Variants in RPL5 observed in about 807,000 individuals in gnomAD.
RPL5 encodes the protein large ribosomal subunit protein uL18.
Under a neutral mutation model 38.4 loss-of-function variants are expected in RPL5, and 1 was observed. The ratio of observed to expected loss-of-function variants is 0.03; its 90% CI spans 0.01 to 0.12. The LOEUF (loss-of-function observed/expected upper bound fraction) is 0.12. Ranked by LOEUF, RPL5 falls within the 10% of genes least tolerant of loss-of-function variation. RPL5 has a pLI of 1.00. For missense variants in RPL5, 243 were observed against 374.1 expected (o/e 0.65, Z 2.89); for synonymous variants, 109 against 121.2 (o/e 0.90, Z 0.66).
At chr1:92,841,530 C>G (rs1687362712) in intron 7 of RPL5, among the ~76,000 whole-genome samples, 1 of 152,140 alleles carries the variant, frequency 6.6e-6, no homozygotes, top group African/African-American at 2.4e-5. Flanking sequence ...CTGAATCTAA[C>G]ATGTCTTCTA....
chr1:92,836,435 T>G (rs1417127673), intron 5 of RPL5, 43 bp downstream of exon 5: 1 of 1,563,018 alleles, frequency 6.4e-7, no homozygotes, highest in South Asian at 1.1e-5. Context: ...ACCGTGGTAC[T>G]TCCCTGTTTT....
chr1:92,833,154 T>C, intron 1 of RPL5: 1 of 660,874 alleles, frequency 1.5e-6, no homozygotes, highest in Non-Finnish European at 2.7e-6. Context: ...TTTCTTTTAT[T>C]CCATATTTCT....
intron 6 of RPL5, among the ~76,000 whole-genome samples, chr1:92,838,662 A>G (rs1302094930): frequency 6.6e-6 from 1 of 152,234 alleles, no homozygotes; most frequent in Admixed American, 6.5e-5. Flanking sequence ...TGTCTCCAAC[A>G]GGAGGTGGTC....
chr1:92,833,189 A>G (rs565031895), intron 1 of RPL5, 200 bp from the exon 2 acceptor site: 8 of 648,924 alleles, frequency 1.2e-5, no homozygotes, highest in African/African-American at 1.8e-5. Flanking sequence ...TTATTGTTTT[A>G]TGAAACTACT....
chr1:92,841,734 G>GT, intron 7 of RPL5, 32 bp from the exon 8 acceptor site: 1 of 1,437,784 alleles, frequency 7.0e-7, no homozygotes, highest in South Asian at 1.2e-5. Context: ...TTCAGTTATA[G>GT]TTTAAAAAAT....
intron 6 of RPL5, chr1:92,840,290 G>C: frequency 2.4e-6 from 1 of 418,964 alleles, no homozygotes; most frequent in Non-Finnish European, 4.4e-6. Context: ...GAGATTACAG[G>C]CATGAACCAC....
Position 92,833,474 on chromosome 1 carries a change from T to C in RPL5, c.73+16T>C, listed in dbSNP as rs1436058368. 6.2e-7 allele frequency: 1 copy of C among 1,613,720 alleles called. No homozygotes were observed. The highest frequency in any genetic ancestry group is 8.5e-7 in the Non-Finnish European group (1 of 1,179,642). On this transcript the variant is annotated intron_variant, in intron 2 of 7. Transcript: ENST00000370321. ...AGACGACGAGGTACTGTCACCTTTT[T>C]GTGTTTACAATATTAATCTGCTTTG...
At chr1:92,832,680 A>T (rs1686956207) in intron 1 of RPL5, 2 of 354,816 alleles carry the variant, frequency 5.6e-6, no homozygotes, top group East Asian at 1.0e-4. Context: ...AGCTCCTTTA[A>T]CATGGAATAC....
At position 92,833,429 on chromosome 1, in the gene RPL5, G is replaced by C; in HGVS notation, c.44G>C (p.Arg15Thr). The C allele has an allele frequency of 6.2e-7, 1 of 1,614,046 alleles. No homozygotes were observed. ...GTTAAGAATAAGGCCTACTTTAAGA[G>C]ATACCAAGTGAAATTTAGAAGACGA... ...KVVKNKAYFK[R>T]YQVKFRRRRE... is the part of the protein sequence containing the mutation. Residue 15 changes from arginine (R) to threonine (T), a missense_variant, in exon 2 of 8, where the codon AGA (arginine) becomes ACA (threonine). Transcript: ENST00000370321.
chr1:92,833,006 A>C, intron 1 of RPL5: 1 of 740,160 alleles, frequency 1.4e-6, no homozygotes, highest in Non-Finnish European at 2.5e-6. Flanking sequence ...GTGCTTCGCA[A>C]AAGTTTGGCA....
chr1:92,835,045 T>G (rs982319915), intron 4 of RPL5, 132 bp downstream of exon 4: 21 of 1,281,314 alleles, frequency 1.6e-5, no homozygotes, highest in Non-Finnish European at 2.0e-5. Flanking sequence ...GTTTTCTGCT[T>G]TGTTAATGGA....
Position 92,837,444 on chromosome 1 carries a change from A to T in RPL5, c.528-12A>T, listed in dbSNP as rs375148060. 3 of 1,608,434 alleles carry T rather than the reference A, an allele frequency of 1.9e-6. No individual in the cohort carries two copies. In the African/African-American group the frequency reaches 4.0e-5, roughly 22 times the overall value. On this transcript the variant is annotated splice_polypyrimidine_tract_variant and intron_variant, in intron 5 of 7. Coordinates refer to ENST00000370321, the MANE Select transcript of RPL5 (RefSeq NM_000969.5). ...GTGAGTCTATACTAAAATATGAATA[A>T]CTTTATTTTAGTACCAAACGATTCC...
intron 6 of RPL5, among the ~76,000 whole-genome samples, chr1:92,838,730 T>C (rs946993016): frequency 1.3e-5 from 2 of 152,214 alleles, no homozygotes; most frequent in African/African-American, 2.4e-5. Context: ...TGGAAGGAAC[T>C]GGGTTGCTTA....
intron 3 of RPL5, among the ~76,000 whole-genome samples, 196 bp from the exon 4 acceptor site, chr1:92,834,583 G>T (rs1687043346): frequency 6.6e-6 from 1 of 152,208 alleles, no homozygotes; most frequent in African/African-American, 2.4e-5. Context: ...TTCAAAAGAT[G>T]ATTGAAATAT....
intron 4 of RPL5, among the ~76,000 whole-genome samples, chr1:92,835,847 A>T (rs912099284): frequency 2.0e-5 from 3 of 152,148 alleles, no homozygotes; most frequent in African/African-American, 7.2e-5. Context: ...GTTGATGACA[A>T]CCCACTCATT....
chr1:92,841,154 G>A (rs1301386322), intron 7 of RPL5, among the ~76,000 whole-genome samples: 1 of 152,130 alleles, frequency 6.6e-6, no homozygotes, highest in Non-Finnish European at 1.5e-5. Flanking sequence ...TCCTCCTGTT[G>A]GAGATTTTAT....
chr1:92,836,261 G>T lies in RPL5; in HGVS notation c.396G>T (p.Val132=). ...QVEVTGDEYN[V]ESIDGQPGAF... ...AGGTGACTGGTGATGAATACAATGT[G>T]GAAAGCATTGATGGTCAGCCAGGTG... Residue 132 remains valine, a synonymous_variant, in exon 5 of 8, where the codon GTG becomes GTT. Coordinates refer to ENST00000370321, the MANE Select transcript of RPL5 (RefSeq NM_000969.5). 6.2e-7 allele frequency: 1 copy of T among 1,613,946 alleles called. No homozygotes were observed. The highest frequency in any genetic ancestry group is 2.2e-5 in the East Asian group (1 of 44,884).
intron 1 of RPL5, chr1:92,832,321 G>A: frequency 1.3e-6 from 1 of 768,320 alleles, no homozygotes; most frequent in Non-Finnish European, 2.2e-6. Flanking sequence ...GGTTGGCGAA[G>A]AAGGGTTGCG....
intron 3 of RPL5, chr1:92,833,916 G>A (rs760374250): frequency 6.3e-5 from 30 of 479,636 alleles, no homozygotes; most frequent in Non-Finnish European, 1.1e-4. Flanking sequence ...GACCAGCCTG[G>A]GCAATATAGT....
Sources: allele counts gnomAD v4.1 joint callset (sites outside exome capture counted in the v4.1 genomes callset), GRCh38; gene constraint gnomAD v4.1.1; transcripts MANE v1.5; gene names NCBI Gene and HGNC (gene_info 2026-07-23, HGNC 2026-07-21).